SRRM4: variants seen among roughly 807,000 people sequenced by gnomAD.
SRRM4 encodes the protein serine/arginine repetitive matrix protein 4.
SRRM4 carries 33 observed loss-of-function variants against 68.9 expected under a neutral mutation model. The observed-to-expected ratio is 0.48, with a 90% CI of 0.36 to 0.64. The LOEUF is 0.64. SRRM4 is among the 30% of genes least tolerant of loss of function. The pLI is 0.00. For synonymous variants in SRRM4, 318 were observed against 318.8 expected (o/e 1.00, Z 0.03); for missense variants, 817 against 827.1 (o/e 0.99, Z 0.15).
chr12:119,084,284 A>G (rs1953967062), intron 1 of SRRM4, among the ~76,000 whole-genome samples: 2 of 152,138 alleles, frequency 1.3e-5, no homozygotes, highest in South Asian at 4.1e-4. Context: ...TGTCCTCTGC[A>G]CCCTGGAACT....
At chr12:119,058,852 C>A (rs1165106006) in intron 1 of SRRM4, among the ~76,000 whole-genome samples, 1 of 152,154 alleles carries the variant, frequency 6.6e-6, no homozygotes, top group Non-Finnish European at 1.5e-5. Context: ...TAAGGCTTCC[C>A]CTGCCAATAG....
chr12:119,112,064 A>G (rs1200640030), intron 2 of SRRM4, among the ~76,000 whole-genome samples: 1 of 152,110 alleles, frequency 6.6e-6, no homozygotes, highest in Non-Finnish European at 1.5e-5. Flanking sequence ...GAAAAAAAAA[A>G]AGAATTTGGA....
At chr12:119,088,678 G>A (rs1953994646) in intron 1 of SRRM4, among the ~76,000 whole-genome samples, 1 of 151,164 alleles carries the variant, frequency 6.6e-6, no homozygotes. Context: ...GGGGCGTGGG[G>A]GTGGGTAATA....
At chr12:119,029,931 C>T (rs148991847) in intron 1 of SRRM4, among the ~76,000 whole-genome samples, 1 of 152,232 alleles carries the variant, frequency 6.6e-6, no homozygotes, top group East Asian at 1.9e-4. Flanking sequence ...GGATGACCTT[C>T]CAGCTAATGG....
At chr12:119,109,816 T>G (rs930945446) in intron 2 of SRRM4, among the ~76,000 whole-genome samples, 3 of 152,260 alleles carry the variant, frequency 2.0e-5, no homozygotes, top group African/African-American at 4.8e-5. Flanking sequence ...TGAAAGCTTC[T>G]TCCCTCAACT....
At chr12:119,018,454 G>A in intron 1 of SRRM4, among the ~76,000 whole-genome samples, 2 of 152,236 alleles carry the variant, frequency 1.3e-5, no homozygotes, top group Middle Eastern at 3.4e-3. Flanking sequence ...ATTAATAAAG[G>A]AAGTTTCAGT....
intron 1 of SRRM4, among the ~76,000 whole-genome samples, chr12:119,039,662 A>G (rs546921481): frequency 5.7e-4 from 87 of 152,310 alleles, no homozygotes; most frequent in African/African-American, 1.9e-3. Context: ...CAAAGGTGGT[A>G]TATAAACCAC....
chr12:119,001,979 T>C (rs1953387243), intron 1 of SRRM4: 1 of 62,576 alleles, frequency 1.6e-5, no homozygotes, highest in Non-Finnish European at 3.7e-5. Context: ...TGAAAACATG[T>C]CTCAAAAAAA....
chr12:119,004,426 A>T (rs954962790), intron 1 of SRRM4, among the ~76,000 whole-genome samples: 3 of 152,050 alleles, frequency 2.0e-5, no homozygotes, highest in Admixed American at 6.5e-5. Flanking sequence ...AAGGGGTTTA[A>T]GAAAGTACAG....
At chr12:119,126,007 C>G (rs1397509655) in intron 7 of SRRM4, among the ~76,000 whole-genome samples, 1 of 140,596 alleles carries the variant, frequency 7.1e-6, no homozygotes, top group Non-Finnish European at 1.5e-5. Context: ...CAACACCATA[C>G]TAGCTGCTTT....
Position 119,053,664 on chromosome 12 carries a change from A to T in SRRM4, c.132-48572A>T, listed in dbSNP as rs189035102. ...CTGCTGTGCGTATTTTGTGACTAAC[A>T]TACCAATTTGCACACGTGGCATCTC... On this transcript the variant is annotated intron_variant, in intron 1 of 12. Coordinates refer to ENST00000267260, the MANE Select transcript of SRRM4 (RefSeq NM_194286.4). 2.4e-4 allele frequency among the ~76,000 whole-genome samples: 36 copies of T among 152,350 alleles called. No individual in the cohort carries two copies. The East Asian group carries it at 6.9e-3, about 29-fold the overall frequency.
At chr12:119,146,804 C>A (rs994389061) in intron 9 of SRRM4, among the ~76,000 whole-genome samples, 1 of 150,612 alleles carries the variant, frequency 6.6e-6, no homozygotes, top group East Asian at 2.0e-4. Flanking sequence ...GGCATAGTGG[C>A]GGGCGCCTGT....
intron 1 of SRRM4, among the ~76,000 whole-genome samples, chr12:119,089,145 A>G: frequency 6.6e-6 from 1 of 152,142 alleles, no homozygotes; most frequent in East Asian, 1.9e-4. Flanking sequence ...ATGAGAGCCC[A>G]TCTTAGCATA....
At chr12:118,989,668 T>C (rs1953303741) in intron 1 of SRRM4, 1 of 151,852 alleles carries the variant, frequency 6.6e-6, no homozygotes, top group Non-Finnish European at 1.5e-5. Flanking sequence ...CCAAACCAAA[T>C]ACAGGAACAA....
At chr12:119,129,329 C>T (rs1423810371) in intron 7 of SRRM4, among the ~76,000 whole-genome samples, 1 of 152,230 alleles carries the variant, frequency 6.6e-6, no homozygotes, top group Non-Finnish European at 1.5e-5. Flanking sequence ...TAAGCATGCC[C>T]TTTCTAAGAA....
intron 1 of SRRM4, among the ~76,000 whole-genome samples, chr12:119,096,769 A>T (rs1275094452): frequency 6.6e-6 from 1 of 152,176 alleles, no homozygotes; most frequent in Non-Finnish European, 1.5e-5. Context: ...TGCTTGGGGC[A>T]TGAGGATCTG....
chr12:118,981,766 C>G lies in SRRM4; in HGVS notation c.-117C>G. 2 of 1,226,558 alleles carry G rather than the reference C, an allele frequency of 1.6e-6. No individual in the cohort carries two copies. The highest frequency in any genetic ancestry group is 1.6e-5 in the South Asian group (1 of 64,132). 76.0% of individuals were successfully genotyped at this position (1,226,558 alleles called of 1,614,324 possible). On this transcript the variant is annotated 5_prime_UTR_variant, in exon 1 of 13. Coordinates refer to ENST00000267260, the MANE Select transcript of SRRM4 (RefSeq NM_194286.4). ...CCCTGAACTCCGATCTCTCCCACCC[C>G]ACCCCTCTCTGGGTTTCACCCGGAC...
intron 1 of SRRM4, among the ~76,000 whole-genome samples, chr12:119,096,205 T>G (rs1240608110): frequency 2.2e-5 from 3 of 139,388 alleles, no homozygotes; most frequent in Admixed American, 1.5e-4. Flanking sequence ...TTTTTTTTTT[T>G]GTATTTTTAG....
intron 1 of SRRM4, among the ~76,000 whole-genome samples, chr12:119,021,757 T>C (rs1265874555): frequency 6.6e-6 from 1 of 152,222 alleles, no homozygotes; most frequent in Non-Finnish European, 1.5e-5. Context: ...AAAGACATGG[T>C]CTCGTTCCTT....
Sources: allele counts gnomAD v4.1 joint callset (sites outside exome capture counted in the v4.1 genomes callset), GRCh38; gene constraint gnomAD v4.1.1; transcripts MANE v1.5; gene names NCBI Gene and HGNC (gene_info 2026-07-23, HGNC 2026-07-21).